Variants in C1orf94 observed in about 807,000 individuals in gnomAD.
C1orf94 encodes the protein uncharacterized protein C1orf94.
Under a neutral mutation model 53.6 loss-of-function variants are expected in C1orf94, and 45 were observed. The observed-to-expected ratio is 0.84, with a 90% CI of 0.66 to 1.08. The LOEUF is 1.08. C1orf94 is among the 50% of genes least tolerant of loss of function. The pLI is 0.00. For synonymous variants in C1orf94, 304 were observed against 296.1 expected, an observed-to-expected ratio of 1.03 and a Z score of -0.27; for missense variants, 762 against 738.9, an observed-to-expected ratio of 1.03 and a Z score of -0.36.
At chr1:34,204,512 C>T (rs2050496) in intron 4 of C1orf94, among the ~76,000 whole-genome samples, 13,897 of 152,112 alleles carry the variant, frequency 0.091, 1,328 homozygotes, top group African/African-American at 0.25. Flanking sequence ...GTCTATTGTC[C>T]TTACACAGGT....
Position 34,201,011 on chromosome 1 carries a change from G to A in C1orf94, c.1249G>A (p.Val417Met). ...GQPRLRNKVE[V>M]DGPELKFNAP... ...GCCGAGACTTCGAAACAAAGTGGAA[G>A]TGGATGGGCCGGAGCTGAAATGTGA... is the stretch of plus-strand genomic sequence containing the variant. The change falls in exon 3 of 7, where the codon GTG (valine) becomes ATG (methionine). Residue 417 changes from valine to methionine, a missense_variant. Val to Met is a conservative substitution (Grantham distance 21). Coordinates refer to ENST00000488417, the MANE Select transcript of C1orf94 (RefSeq NM_001134734.2). The A allele has an allele frequency of 6.2e-7, 1 of 1,603,322 alleles. No homozygotes were observed. Among genetic ancestry groups the A allele is most frequent in the Non-Finnish European group, 8.5e-7 (1 of 1,174,664 alleles).
At chr1:34,170,613 G>T (rs1484975516) in intron 1 of C1orf94, among the ~76,000 whole-genome samples, 1 of 152,040 alleles carries the variant, frequency 6.6e-6, no homozygotes, top group Non-Finnish European at 1.5e-5. Flanking sequence ...GGCAACTCTA[G>T]GATGGAAACC....
chr1:34,170,880 C>A (rs1642136285), intron 1 of C1orf94, among the ~76,000 whole-genome samples: 1 of 152,158 alleles, frequency 6.6e-6, no homozygotes, highest in Non-Finnish European at 1.5e-5. Context: ...CAAGCCATCA[C>A]TGAGCCCTCC....
chr1:34,191,258 G>C (rs1002526804), intron 1 of C1orf94, among the ~76,000 whole-genome samples: 1 of 152,208 alleles, frequency 6.6e-6, no homozygotes, highest in African/African-American at 2.4e-5. Flanking sequence ...CTGTTGGGGG[G>C]ATTAAAATGA....
intron 1 of C1orf94, among the ~76,000 whole-genome samples, chr1:34,192,287 G>A (rs900676599): frequency 2.6e-5 from 4 of 152,132 alleles, no homozygotes; most frequent in African/African-American, 4.8e-5. Flanking sequence ...AGGTCAATGC[G>A]GGTTCTGTGT....
At chr1:34,198,008 T>C in intron 2 of C1orf94, 95 bp downstream of exon 2, 1 of 1,297,542 alleles carries the variant, frequency 7.7e-7, no homozygotes. Context: ...TAAAGCATCT[T>C]CATGCAAAGC....
intron 1 of C1orf94, among the ~76,000 whole-genome samples, chr1:34,179,933 CAT>C (rs1261739041): frequency 3.9e-5 from 6 of 152,144 alleles, no homozygotes; most frequent in Non-Finnish European, 8.8e-5. Flanking sequence ...ATTTGAAAAA[CAT>C]GTTTCTGCTA....
chr1:34,188,750 G>A (rs1642428376), intron 1 of C1orf94, among the ~76,000 whole-genome samples: 1 of 152,128 alleles, frequency 6.6e-6, no homozygotes, highest in Non-Finnish European at 1.5e-5. Flanking sequence ...GGGTGGGGAG[G>A]CCAAAGCTTT....
chr1:34,184,719 C>T (rs1642359846), intron 1 of C1orf94, among the ~76,000 whole-genome samples: 1 of 152,214 alleles, frequency 6.6e-6, no homozygotes, highest in African/African-American at 2.4e-5. Context: ...GGCTTCCTTG[C>T]TTGAATGGCT....
At chr1:34,205,398 C>T (rs1277407371) in intron 4 of C1orf94, among the ~76,000 whole-genome samples, 1 of 152,162 alleles carries the variant, frequency 6.6e-6, no homozygotes, top group East Asian at 1.9e-4. Flanking sequence ...GATCAAGGGG[C>T]CTGAGATAAT....
chr1:34,168,102 G>A (rs967128750), intron 1 of C1orf94, among the ~76,000 whole-genome samples: 2 of 152,098 alleles, frequency 1.3e-5, no homozygotes, highest in Non-Finnish European at 2.9e-5. Context: ...GCTTTAAGGA[G>A]ATGGTCTGAG....
intron 1 of C1orf94, among the ~76,000 whole-genome samples, chr1:34,178,754 G>A (rs1642268855): frequency 6.6e-6 from 1 of 151,012 alleles, no homozygotes; most frequent in South Asian, 2.1e-4. Flanking sequence ...GGCAGATATT[G>A]TTGAGGATGG....
At chr1:34,195,667 C>T (rs764065819) in intron 1 of C1orf94, among the ~76,000 whole-genome samples, 5 of 152,094 alleles carry the variant, frequency 3.3e-5, no homozygotes, top group Non-Finnish European at 5.9e-5. Flanking sequence ...AATAGGAAGC[C>T]TCTAAGACTG....
chr1:34,202,510 A>G (rs923822642), intron 4 of C1orf94, among the ~76,000 whole-genome samples: 1 of 152,164 alleles, frequency 6.6e-6, no homozygotes, highest in African/African-American at 2.4e-5. Context: ...CTCCACACAC[A>G]CACACATATG....
intron 1 of C1orf94, among the ~76,000 whole-genome samples, chr1:34,190,488 A>G (rs2148615209): frequency 2.0e-5 from 3 of 152,286 alleles, no homozygotes; most frequent in African/African-American, 7.2e-5. Flanking sequence ...GTCTTTGCAC[A>G]TGCTGTTCCC....
intron 6 of C1orf94, among the ~76,000 whole-genome samples, chr1:34,213,519 C>T (rs1223570830): frequency 6.6e-6 from 1 of 152,032 alleles, no homozygotes; most frequent in South Asian, 2.1e-4. Context: ...ATGAAATCCA[C>T]ACCCTTTTCT....
At position 34,207,135 on chromosome 1, in the gene C1orf94, GAGA is replaced by G. The variant is rs1642809445; in HGVS notation, c.1447-1018_1447-1016del. 7.9e-5 allele frequency among the ~76,000 whole-genome samples: 12 copies of G among 152,286 alleles called. No individual in the cohort carries two copies. The South Asian group carries it at 2.5e-3, about 32-fold the overall frequency. On this transcript the variant is annotated intron_variant, in intron 4 of 6. Coordinates refer to ENST00000488417, the MANE Select transcript of C1orf94 (RefSeq NM_001134734.2). ...CAGCCTCTCGGGCAGCAGATCTTCT[GAGA>G]AGATGTCCTGGGCTGAGGGGTACTT...
In C1orf94 at chr1:34,212,312, C is replaced by A. The variant is rs753976264; in HGVS notation, c.1627C>A (p.Pro543Thr). The A allele has an allele frequency of 1.9e-6, 3 of 1,614,040 alleles. No individual in the cohort carries two copies. The change falls in exon 6 of 7, where the codon CCT becomes ACT. Residue 543 changes from proline (P) to threonine (T), a missense_variant. Physicochemically the swap from Pro to Thr is conservative, Grantham distance 38. Transcript: ENST00000488417. ...IPFVQPNYPYPQRTPPKMSAN... is the reference protein window; with the variant it reads ...IPFVQPNYPYTQRTPPKMSAN... ...TTTTGTCCAGCCCAATTATCCCTAC[C>A]CTCAGAGGACACCTCCAAAGATGTC...
Position 34,197,133 on chromosome 1 carries a change from C to T in C1orf94, c.321-92C>T. ...AGTGTGTTTTTGTCATGTTATGCAT[C>T]CATCTCCCTTTTCTGGGGCCTATGT... On this transcript the variant is annotated intron_variant, in intron 1 of 6. Coordinates refer to ENST00000488417, the MANE Select transcript of C1orf94 (RefSeq NM_001134734.2). This position sits in a 1 kb window ranked among gnomAD's most constrained non-coding sequence, Gnocchi z 4.1. 1.7e-6 allele frequency: 2 copies of T among 1,151,184 alleles called. No homozygotes were observed. Among genetic ancestry groups the T allele is most frequent in the Non-Finnish European group, 2.4e-6 (2 of 825,338 alleles). 71.3% of individuals were successfully genotyped at this position (1,151,184 alleles called of 1,614,324 possible). A position where few individuals can be genotyped will look rare whatever the true frequency, so the allele number is the denominator to read the frequency against.
Sources: gnomAD v4.1 joint callset for allele counts (sites outside exome capture counted in the v4.1 genomes callset) on GRCh38, gnomAD v4.1.1 for gene constraint, Gnocchi (gnomAD v3.1) non-coding constraint, MANE v1.5 for transcripts, NCBI Gene and HGNC (gene_info 2026-07-23, HGNC 2026-07-21) for gene names.